OXR1: variants seen among roughly 807,000 people sequenced by gnomAD.
OXR1 encodes the protein oxidation resistance 1.
In OXR1, 41 loss-of-function variants were observed where a neutral mutation model predicts 104.6. That is an observed-to-expected ratio of 0.39 (90% CI 0.31 to 0.51). OXR1 has a LOEUF of 0.51. Among genes scored for constraint, OXR1 ranks in the 20% least tolerant of loss-of-function variants. The pLI is 0.77. For missense variants in OXR1, 955 were observed against 1,031.9 expected (o/e 0.93, Z 1.02); for synonymous variants, 348 against 348.4 (o/e 1.00, Z 0.01).
intron 2 of OXR1, among the ~76,000 whole-genome samples, chr8:106,361,891 G>C (rs1816262006): frequency 6.6e-6 from 1 of 152,136 alleles, no homozygotes; most frequent in South Asian, 2.1e-4. Context: ...GATTTAGCCT[G>C]ACTAGTGCAT....
At chr8:106,416,328 A>G (rs1369734794) in intron 2 of OXR1, among the ~76,000 whole-genome samples, 1 of 152,132 alleles carries the variant, frequency 6.6e-6, no homozygotes, top group Non-Finnish European at 1.5e-5. Flanking sequence ...ACAGATTTCT[A>G]TATTGTCATT....
chr8:106,700,068 G>A (rs554686345), intron 7 of OXR1, among the ~76,000 whole-genome samples: 2 of 151,966 alleles, frequency 1.3e-5, no homozygotes, highest in East Asian at 3.9e-4. Context: ...TTTTCTAATA[G>A]AAATAATTTC....
At chr8:106,453,144 A>G (rs376238362) in intron 2 of OXR1, among the ~76,000 whole-genome samples, 1 of 152,136 alleles carries the variant, frequency 6.6e-6, no homozygotes, top group East Asian at 1.9e-4. Context: ...CCCCTTGGAG[A>G]TCTTTTCCAT....
chr8:106,698,518 A>G (rs970437451), intron 7 of OXR1, among the ~76,000 whole-genome samples: 1 of 152,102 alleles, frequency 6.6e-6, no homozygotes, highest in African/African-American at 2.4e-5. Context: ...GGGAACTCCA[A>G]TTCTGCATAT....
intron 3 of OXR1, among the ~76,000 whole-genome samples, chr8:106,632,639 T>C (rs1039807732): frequency 1.3e-5 from 2 of 152,216 alleles, no homozygotes; most frequent in South Asian, 4.1e-4. Context: ...TTTCTGCCTT[T>C]TGTCAAGTTA....
At chr8:106,288,676 A>G (rs1277347795) in intron 1 of OXR1, among the ~76,000 whole-genome samples, 1 of 147,454 alleles carries the variant, frequency 6.8e-6, no homozygotes, top group Non-Finnish European at 1.5e-5. Flanking sequence ...ATTTAAATTT[A>G]TGTATTAAAT....
intron 3 of OXR1, among the ~76,000 whole-genome samples, chr8:106,647,455 A>T (rs1824178253): frequency 6.6e-6 from 1 of 152,202 alleles, no homozygotes; most frequent in South Asian, 2.1e-4. Flanking sequence ...AGGAATTTGA[A>T]TGTTAGCATA....
At chr8:106,535,950 G>A (rs781221757) in intron 3 of OXR1, among the ~76,000 whole-genome samples, 22 of 152,170 alleles carry the variant, frequency 1.4e-4, no homozygotes, top group Non-Finnish European at 1.9e-4. Context: ...GCTGGCTGCA[G>A]TGGCTCACGC....
chr8:106,679,233 G>A lies in OXR1; in HGVS notation c.244G>A (p.Asp82Asn). 3 of 1,609,622 alleles carry A rather than the reference G, an allele frequency of 1.9e-6. No homozygotes were observed. The East Asian group carries it at 6.7e-5, about 36-fold the overall frequency. The change falls in exon 4 of 17, where the codon GAC becomes AAC. Residue 82 changes from aspartate to asparagine, a missense_variant. Around this residue, in one of 2 missense-constraint regions of OXR1, gnomAD observed 849 missense variants for 852.9 expected, o/e 1.00. Coordinates refer to ENST00000517566, the MANE Select transcript of OXR1 (RefSeq NM_001198533.2). ...TIDTGQKKTL[D>N]KKDGRRMSFQ... Reference sequence around the variant, plus strand: ...AGACACTGGCCAAAAGAAGACCCTAGACAAGAAAGATGGAAGACGAATGTC... The same window carrying A: ...AGACACTGGCCAAAAGAAGACCCTAAACAAGAAAGATGGAAGACGAATGTC...
chr8:106,688,303 G>C (rs1452113961), intron 6 of OXR1, among the ~76,000 whole-genome samples: 1 of 151,942 alleles, frequency 6.6e-6, no homozygotes, highest in Non-Finnish European at 1.5e-5. Context: ...TATGCAGATA[G>C]TCATATTCTC....
rs189554458 is a variant in OXR1 at position 106,529,518 on chromosome 8, T to C, written c.220+10379T>C. On this transcript the variant is annotated intron_variant, in intron 3 of 16. Coordinates refer to ENST00000517566, the MANE Select transcript of OXR1 (RefSeq NM_001198533.2). ...GAGGTATTCTCAGAATGAGAAAAAA[T>C]ATGTTTGCTTGATATTCCTATAAAT... 5.5e-4 allele frequency among the ~76,000 whole-genome samples: 83 copies of C among 152,254 alleles called. 1 individual carries two copies. Among genetic ancestry groups the C allele is most frequent in the Non-Finnish European group, 4.1e-4 (28 of 67,992 alleles).
At chr8:106,487,574 C>T (rs987768420) in intron 2 of OXR1, among the ~76,000 whole-genome samples, 1 of 151,144 alleles carries the variant, frequency 6.6e-6, no homozygotes, top group Non-Finnish European at 1.5e-5. Context: ...CCCTCCCCAC[C>T]CCCCAACCCC....
intron 7 of OXR1, among the ~76,000 whole-genome samples, chr8:106,701,089 A>G (rs1373427971): frequency 6.6e-6 from 1 of 152,198 alleles, no homozygotes; most frequent in Non-Finnish European, 1.5e-5. Flanking sequence ...TTGAGTTGGT[A>G]TGTGACCCAG....
chr8:106,493,385 T>C (rs1376368503), intron 2 of OXR1, among the ~76,000 whole-genome samples: 48 of 152,158 alleles, frequency 3.2e-4, no homozygotes, highest in Non-Finnish European at 2.9e-5. Context: ...TCTTAACTCA[T>C]TTTACACACT....
At chr8:106,377,602 T>C (rs75120503) in intron 2 of OXR1, among the ~76,000 whole-genome samples, 2,688 of 152,284 alleles carry the variant, frequency 0.018, 65 homozygotes, top group African/African-American at 0.061. Flanking sequence ...TGGGCAGCCA[T>C]GTTCTATTTG....
intron 11 of OXR1, among the ~76,000 whole-genome samples, chr8:106,722,891 G>A (rs1832947001): frequency 1.3e-5 from 2 of 152,034 alleles, no homozygotes; most frequent in African/African-American, 2.4e-5. Context: ...TCTTTTATTA[G>A]CATTTGGCAC....
intron 9 of OXR1, 86 bp downstream of exon 9, chr8:106,707,231 T>A: frequency 8.4e-7 from 1 of 1,192,582 alleles, no homozygotes. Flanking sequence ...CCGCTGTACC[T>A]TAGGGCAACC....
At chr8:106,573,214 A>G (rs945757614) in intron 3 of OXR1, among the ~76,000 whole-genome samples, 4 of 152,102 alleles carry the variant, frequency 2.6e-5, no homozygotes, top group Admixed American at 2.0e-4. Context: ...CAGCCTATCA[A>G]TTTAAATGTG....
chr8:106,527,865 C>A (rs938906291), intron 3 of OXR1, among the ~76,000 whole-genome samples: 1 of 152,048 alleles, frequency 6.6e-6, no homozygotes, highest in East Asian at 1.9e-4. Context: ...AGTAAAATGG[C>A]CAGTGGTAAA....
Sources: gnomAD v4.1 joint callset for allele counts (sites outside exome capture counted in the v4.1 genomes callset) on GRCh38, gnomAD v4.1.1 for gene constraint, gnomAD v4.1.1 regional missense constraint, MANE v1.5 for transcripts, NCBI Gene and HGNC (gene_info 2026-07-23, HGNC 2026-07-21) for gene names.